Variants in CNBD1 observed in about 807,000 individuals in gnomAD.
CNBD1 encodes cyclic nucleotide binding domain containing 1, also known as cyclic nucleotide-binding domain-containing protein 1.
CNBD1 carries 71 observed loss-of-function variants against 54.4 expected under a neutral mutation model. That is an observed-to-expected ratio of 1.30 (90% CI 1.08 to 1.59). The LOEUF (loss-of-function observed/expected upper bound fraction) is 1.59, where lower values mean the gene tolerates loss of function less well. Among genes scored for constraint, CNBD1 ranks in the 40% most tolerant of loss-of-function variants. The probability of loss-of-function intolerance (pLI) is 0.00; values close to 1 mark genes in which losing one functional copy is unlikely to be tolerated. For missense variants in CNBD1, 659 were observed against 518.0 expected (o/e 1.27, Z -2.64); for synonymous variants, 182 against 170.7 (o/e 1.07, Z -0.51).
intron 4 of CNBD1, among the ~76,000 whole-genome samples, chr8:87,142,853 CT>C (rs1240209966): frequency 6.6e-6 from 1 of 151,488 alleles, no homozygotes; most frequent in Non-Finnish European, 1.5e-5. Context: ...TTTTGTTGTG[CT>C]CGTTGTTCGT....
intron 5 of CNBD1, among the ~76,000 whole-genome samples, chr8:87,228,003 A>G (rs1193318983): frequency 6.6e-5 from 10 of 151,126 alleles, no homozygotes; most frequent in Non-Finnish European, 1.5e-4. Context: ...ATTTTCCATC[A>G]CTGATACCCT....
At chr8:86,940,536 TGGA>T (rs1225612981) in intron 4 of CNBD1, among the ~76,000 whole-genome samples, 1 of 152,084 alleles carries the variant, frequency 6.6e-6, no homozygotes, top group African/African-American at 2.4e-5. Flanking sequence ...AGGAGGGGTG[TGGA>T]GGAGAAGATT....
At chr8:87,402,537 G>T (rs1807584634) in intron 2 of CNBD1, among the ~76,000 whole-genome samples, 1 of 152,074 alleles carries the variant, frequency 6.6e-6, no homozygotes, top group African/African-American at 2.4e-5. Context: ...ATGGACATAA[G>T]GACCGAGCAT....
At chr8:87,347,583 A>C (rs1563563472) in intron 8 of CNBD1, among the ~76,000 whole-genome samples, 1 of 152,200 alleles carries the variant, frequency 6.6e-6, no homozygotes, top group Non-Finnish European at 1.5e-5. Context: ...GAAAAGCTAG[A>C]AGGAGCAGTA....
intron 2 of CNBD1, among the ~76,000 whole-genome samples, chr8:87,393,259 C>T (rs1811345796): frequency 6.6e-6 from 1 of 151,696 alleles, no homozygotes; most frequent in Admixed American, 6.6e-5. Flanking sequence ...TTTACTCTGA[C>T]TGGACTCAAG....
intron 10 of CNBD1, among the ~76,000 whole-genome samples, chr8:87,382,260 T>C (rs1811093148): frequency 6.6e-6 from 1 of 151,994 alleles, no homozygotes; most frequent in South Asian, 2.1e-4. Flanking sequence ...AAGATGATTT[T>C]ACATTCATAT....
intron 4 of CNBD1, among the ~76,000 whole-genome samples, chr8:87,094,981 A>G (rs1007094706): frequency 6.6e-6 from 1 of 152,172 alleles, no homozygotes; most frequent in Non-Finnish European, 1.5e-5. Flanking sequence ...AGAGGTTGCA[A>G]TGAGCCGAGA....
At chr8:86,937,730 A>G (rs1809574784) in intron 3 of CNBD1, among the ~76,000 whole-genome samples, 1 of 102,508 alleles carries the variant, frequency 9.8e-6, no homozygotes, top group Non-Finnish European at 2.2e-5. Flanking sequence ...AGACCCATGA[A>G]ACCATTTTTT....
intron 4 of CNBD1, among the ~76,000 whole-genome samples, chr8:87,074,061 A>C (rs1466682092): frequency 6.7e-6 from 1 of 149,862 alleles, no homozygotes; most frequent in African/African-American, 2.5e-5. Context: ...AGATCGCGCC[A>C]CTGCACTCCA....
At chr8:87,384,683 C>T (rs1422621304), downstream of CNBD1, among the ~76,000 whole-genome samples, 13 of 152,112 alleles carry the variant, frequency 8.5e-5, no homozygotes. Context: ...TTTCCACTTA[C>T]TAAGGACTAT....
downstream of CNBD1, among the ~76,000 whole-genome samples, chr8:87,383,278 A>T (rs1418336042): frequency 6.6e-6 from 1 of 152,108 alleles, no homozygotes; most frequent in Non-Finnish European, 1.5e-5. Flanking sequence ...TTCATATTGT[A>T]GTATAGTTTC....
chr8:87,221,915 A>G (rs1814347366), intron 5 of CNBD1, among the ~76,000 whole-genome samples: 1 of 152,064 alleles, frequency 6.6e-6, no homozygotes, highest in Non-Finnish European at 1.5e-5. Flanking sequence ...AGGTTATTAG[A>G]CTTGTGTCTT....
chr8:87,073,760 T>A (rs1286591913), intron 4 of CNBD1, among the ~76,000 whole-genome samples: 1 of 152,156 alleles, frequency 6.6e-6, no homozygotes, highest in African/African-American at 2.4e-5. Context: ...AGGCCCCCAA[T>A]GAGAGGGCTC....
chr8:86,933,704 G>T (rs902170932), intron 3 of CNBD1, among the ~76,000 whole-genome samples: 1 of 151,722 alleles, frequency 6.6e-6, no homozygotes, highest in South Asian at 2.1e-4. Flanking sequence ...AACCTGGGTG[G>T]GTACATTAAG....
intron 4 of CNBD1, among the ~76,000 whole-genome samples, chr8:87,152,255 A>G (rs1363332497): frequency 6.6e-6 from 1 of 152,026 alleles, no homozygotes; most frequent in Non-Finnish European, 1.5e-5. Flanking sequence ...GGAAGGAAAT[A>G]GTAGGGCTTT....
chr8:86,896,470 T>C (rs1056587690), intron 2 of CNBD1, among the ~76,000 whole-genome samples: 2 of 152,178 alleles, frequency 1.3e-5, no homozygotes, highest in African/African-American at 4.8e-5. Context: ...ATTTGTGTCA[T>C]CTGAAATTTC....
chr8:86,939,581 T>C lies in CNBD1; in HGVS notation c.273-15T>C. 1 of 1,555,944 alleles carries C rather than the reference T, an allele frequency of 6.4e-7. No individual in the cohort carries two copies. The highest frequency in any genetic ancestry group is 1.2e-5 in the South Asian group (1 of 81,910). Reference sequence around the variant, plus strand: ...CAGTATACAACAGCATAAAATACTATATTTTCTTGTTCAGGGAACTCAATG... The same window carrying C: ...CAGTATACAACAGCATAAAATACTACATTTTCTTGTTCAGGGAACTCAATG... On this transcript the variant is annotated splice_polypyrimidine_tract_variant and intron_variant, in intron 3 of 10. Coordinates refer to ENST00000518476, the MANE Select transcript of CNBD1 (RefSeq NM_173538.3).
At chr8:87,157,318 G>C (rs985881347) in intron 4 of CNBD1, among the ~76,000 whole-genome samples, 2 of 152,124 alleles carry the variant, frequency 1.3e-5, no homozygotes, top group African/African-American at 4.8e-5. Context: ...AAATGATATT[G>C]TAACAATAAA....
intron 8 of CNBD1, among the ~76,000 whole-genome samples, chr8:87,329,404 C>G (rs536802505): frequency 1.3e-5 from 2 of 152,092 alleles, no homozygotes; most frequent in African/African-American, 2.4e-5. Context: ...CCTCTCCATA[C>G]ACAGTTTTGA....
Sources: allele counts gnomAD v4.1 joint callset (sites outside exome capture counted in the v4.1 genomes callset), GRCh38; gene constraint gnomAD v4.1.1; transcripts MANE v1.5; gene names NCBI Gene and HGNC (gene_info 2026-07-23, HGNC 2026-07-21).